The following CFAP20DC variants were observed in gnomAD, a reference collection of about 807,000 sequenced individuals.
CFAP20DC encodes the protein protein CFAP20DC.
Under a neutral mutation model 101.7 loss-of-function variants are expected in CFAP20DC, and 84 were observed. That is an observed-to-expected ratio of 0.83 (90% confidence interval 0.69 to 0.99). The LOEUF is 0.99. Among genes scored for constraint, CFAP20DC ranks in the 50% least tolerant of loss-of-function variants. The pLI, the probability that CFAP20DC is intolerant of heterozygous loss-of-function variation, is 0.00. For missense variants in CFAP20DC, 1,007 were observed against 970.3 expected, an observed-to-expected ratio of 1.04 and a Z score of -0.50; for synonymous variants, 359 against 351.2, an observed-to-expected ratio of 1.02 and a Z score of -0.25.
At chr3:58,726,786 A>G (rs1299834741) in intron 3 of CFAP20DC, 2 of 244,732 alleles carry the variant, frequency 8.2e-6, no homozygotes, top group Non-Finnish European at 1.6e-5. Flanking sequence ...ACACCATCAG[A>G]AGAGACAAGA....
At chr3:58,855,108 A>C (rs1361124155) in intron 12 of CFAP20DC, among the ~76,000 whole-genome samples, 5 of 151,480 alleles carry the variant, frequency 3.3e-5, no homozygotes, top group Non-Finnish European at 7.4e-5. Flanking sequence ...GCTAATATCC[A>C]GAATCTACAA....
intron 14 of CFAP20DC, among the ~76,000 whole-genome samples, chr3:58,818,578 CAAG>C (rs2075375306): frequency 6.7e-6 from 1 of 148,778 alleles, no homozygotes; most frequent in Non-Finnish European, 1.5e-5. Flanking sequence ...ATCAATTCAA[CAAG>C]AAGAGCTAAC....
At chr3:59,003,411 A>ATCT (rs1559974246) in intron 4 of CFAP20DC, among the ~76,000 whole-genome samples, 3 of 152,180 alleles carry the variant, frequency 2.0e-5, no homozygotes, top group Non-Finnish European at 4.4e-5. Context: ...GGCTGCTTTT[A>ATCT]GATGTGCTTT....
intron 6 of CFAP20DC, among the ~76,000 whole-genome samples, chr3:58,886,595 C>A (rs921479519): frequency 1.2e-4 from 18 of 151,768 alleles, no homozygotes; most frequent in African/African-American, 4.4e-4. Context: ...GGGCATAGTC[C>A]CAGCCACCCA....
intron 4 of CFAP20DC, among the ~76,000 whole-genome samples, chr3:58,990,268 A>G (rs1576616649): frequency 6.6e-6 from 1 of 152,214 alleles, no homozygotes; most frequent in East Asian, 1.9e-4. Flanking sequence ...TAAGGCTACT[A>G]GCTTCTGCTA....
chr3:58,983,275 A>T (rs914203554), intron 4 of CFAP20DC, among the ~76,000 whole-genome samples: 1 of 152,164 alleles, frequency 6.6e-6, no homozygotes, highest in African/African-American at 2.4e-5. Context: ...AAACAGCTAC[A>T]CCTGTTTTAT....
chr3:58,890,462 A>T (rs1406702580), intron 6 of CFAP20DC, among the ~76,000 whole-genome samples: 2 of 129,214 alleles, frequency 1.5e-5, no homozygotes, highest in Non-Finnish European at 3.2e-5. Flanking sequence ...TCCCTCCCGG[A>T]CGGGGCGGCT....
chr3:58,746,775 G>C (rs1420000622), intron 16 of CFAP20DC, among the ~76,000 whole-genome samples: 3 of 152,094 alleles, frequency 2.0e-5, no homozygotes, highest in African/African-American at 7.2e-5. Flanking sequence ...CAAAAATTGG[G>C]TGAGATTATG....
intron 6 of CFAP20DC, among the ~76,000 whole-genome samples, chr3:58,903,995 T>TA (rs1253315656): frequency 6.6e-6 from 1 of 152,228 alleles, no homozygotes; most frequent in East Asian, 1.9e-4. Context: ...GTCCCCTTGC[T>TA]ATTCCACAGG....
At position 58,861,944 on chromosome 3, in the gene CFAP20DC, G is replaced by C. The variant is rs2079285369; in HGVS notation, c.1593+1614C>G. On this transcript the variant is annotated intron_variant, in intron 12 of 16. Coordinates refer to ENST00000482387, the MANE Select transcript of CFAP20DC (RefSeq NM_001394063.1). This position sits in a 1 kb window ranked among gnomAD's most constrained non-coding sequence, Gnocchi z 4.0. ...GCATAATAAACGTTGAAGGATGTCA[G>C]AGGCAGAGTAGCTACAGCAAAAGAA... 2 of 984,964 alleles carry C rather than the reference G, an allele frequency of 2.0e-6. No homozygotes were observed. The highest frequency in any genetic ancestry group is 6.1e-5 in the Admixed American group (1 of 16,274). The allele number at this position is 984,964 out of a possible 1,614,324, so 61.0% of individuals were successfully genotyped here.
At chr3:59,034,573 T>G (rs1451855326) in intron 4 of CFAP20DC, among the ~76,000 whole-genome samples, 1 of 151,640 alleles carries the variant, frequency 6.6e-6, no homozygotes, top group South Asian at 2.1e-4. Flanking sequence ...GACTTTAAAC[T>G]ATCAAAGATC....
intron 15 of CFAP20DC, among the ~76,000 whole-genome samples, chr3:58,778,655 G>A (rs569677306): frequency 8.5e-5 from 13 of 152,322 alleles, no homozygotes; most frequent in African/African-American, 3.1e-4. Context: ...AGAGGCCCAA[G>A]AATTGGCCTG....
At chr3:58,810,047 T>C (rs1226211171) in intron 14 of CFAP20DC, among the ~76,000 whole-genome samples, 1 of 152,122 alleles carries the variant, frequency 6.6e-6, no homozygotes, top group African/African-American at 2.4e-5. Flanking sequence ...GCTCTGAAAT[T>C]GTGGCAATAA....
chr3:58,717,825 G>A lies in CFAP20DC; in HGVS notation c.198-197C>T, dbSNP rs904003863. Among the ~76,000 whole-genome samples, 1 of 152,148 alleles carries A rather than the reference G, an allele frequency of 6.6e-6. No individual in the cohort carries two copies. The highest frequency in any genetic ancestry group is 2.4e-5 in the African/African-American group (1 of 41,444). ...AGCTGGATGAGACTCTGGGGAGGGC[G>A]TATTCTAACTGGGTATACTGCAGCC... On this transcript the variant is annotated intron_variant, in intron 3 of 3. Coordinates refer to the CFAP20DC transcript ENST00000486145. This position sits in a 1 kb window ranked among gnomAD's most constrained non-coding sequence, Gnocchi z 4.1.
In CFAP20DC at chr3:58,717,656, GAAAA is replaced by G; in HGVS notation, c.198-32_198-29del. 3.0e-6 allele frequency: 1 copy of G among 336,334 alleles called. No homozygotes were observed. Among genetic ancestry groups the G allele is most frequent in the Admixed American group, 3.8e-5 (1 of 26,164 alleles). The allele number at this position is 336,334 out of a possible 1,614,324, so 20.8% of individuals were successfully genotyped here. On this transcript the variant is annotated intron_variant, in intron 3 of 3. Coordinates refer to the CFAP20DC transcript ENST00000486145. The surrounding 1 kb of genome is among the most constrained non-coding windows in gnomAD (Gnocchi z 4.1). The stretch of plus-strand genomic sequence containing the variant: ...GCATTTCAGGTAGGAGAAGAGAGAA[GAAAA>G]AAAAAAAAGAAAAAAGGTACATGCC...
At chr3:58,930,852 G>A (rs1024771690) in intron 5 of CFAP20DC, among the ~76,000 whole-genome samples, 7 of 152,166 alleles carry the variant, frequency 4.6e-5, no homozygotes, top group African/African-American at 1.4e-4. Flanking sequence ...CGCAGAAGAC[G>A]GGTGATTTCT....
At chr3:58,763,221 G>T (rs1350180880) in intron 15 of CFAP20DC, among the ~76,000 whole-genome samples, 3 of 152,128 alleles carry the variant, frequency 2.0e-5, no homozygotes, top group African/African-American at 4.8e-5. Context: ...ATATTTCTTG[G>T]AGGCTTTCTT....
chr3:58,828,645 T>C (rs2076197824), intron 14 of CFAP20DC, among the ~76,000 whole-genome samples: 1 of 151,964 alleles, frequency 6.6e-6, no homozygotes, highest in Non-Finnish European at 1.5e-5. Context: ...TGGGGACTGC[T>C]AAAGGAGAGA....
chr3:58,995,475 A>AT (rs2093088028), intron 4 of CFAP20DC, among the ~76,000 whole-genome samples: 1 of 152,052 alleles, frequency 6.6e-6, no homozygotes, highest in African/African-American at 2.4e-5. Context: ...AATTTTGAGT[A>AT]GAAAAAAATC....
Sources: allele counts gnomAD v4.1 joint callset (sites outside exome capture counted in the v4.1 genomes callset), GRCh38; gene constraint gnomAD v4.1.1; non-coding constraint Gnocchi (gnomAD v3.1); transcripts MANE v1.5; gene names NCBI Gene and HGNC (gene_info 2026-07-23, HGNC 2026-07-21).